The following TNKS1BP1 variants were observed in gnomAD, a reference collection of about 807,000 sequenced individuals.
TNKS1BP1 encodes 182 kDa tankyrase-1-binding protein.
In TNKS1BP1, 48 loss-of-function variants were observed where a neutral mutation model predicts 141.1. The observed-to-expected ratio is 0.34, with a 90% CI of 0.27 to 0.43. TNKS1BP1 has a LOEUF of 0.43. TNKS1BP1 is among the 20% of genes least tolerant of loss of function. The pLI is 1.00. For synonymous variants in TNKS1BP1, 875 were observed against 898.2 expected (o/e 0.97, Z 0.46); for missense variants, 2,149 against 2,226.0 (o/e 0.97, Z 0.70).
intron 6 of TNKS1BP1, among the ~76,000 whole-genome samples, chr11:57,303,928 A>G (rs1184824954): frequency 1.3e-5 from 2 of 151,942 alleles, no homozygotes; most frequent in Non-Finnish European, 2.9e-5. Flanking sequence ...ACACTCTCTC[A>G]CTAACTCATA....
rs147777307 is a variant in TNKS1BP1, at chr11:57,301,321, C to T, written c.4972-280G>A. ...TGGTGACTTCCCACCCCTGTTCCCT[C>T]TGCCTGCAATGCCACCCCACCATCC... On this transcript the variant is annotated intron_variant, in intron 9 of 11. Transcript: ENST00000358252. Among the ~76,000 whole-genome samples the T allele has an allele frequency of 1.1e-4, 16 of 152,270 alleles. No homozygotes were observed. In the East Asian group the frequency reaches 3.1e-3, roughly 29 times the overall value.
Position 57,320,093 on chromosome 11 carries a change from C to G in TNKS1BP1, c.714G>C (p.Lys238Asn). 7.1e-7 allele frequency: 1 copy of G among 1,398,700 alleles called. No individual in the cohort carries two copies. The allele number at this position is 1,398,700 out of a possible 1,614,324, so 86.6% of individuals were successfully genotyped here. Reference sequence around the variant, plus strand: ...CCACCCTTCACCTCTCCTCAGGGGTCTTGCTGTGCTCTTCCCGGCACTCTG... The same window carrying G: ...CCACCCTTCACCTCTCCTCAGGGGTGTTGCTGTGCTCTTCCCGGCACTCTG... ...SPAECREEHSKTPEERSLPSD... is the reference protein window; with the variant it reads ...SPAECREEHSNTPEERSLPSD... Residue 238 changes from lysine to asparagine, a missense_variant, in exon 3 of 12, where the codon AAG becomes AAC. Lys to Asn is a moderately conservative substitution (Grantham distance 94). Coordinates refer to ENST00000358252, the MANE Select transcript of TNKS1BP1 (RefSeq NM_033396.3).
chr11:57,312,744 C>T lies in TNKS1BP1; in HGVS notation c.1944G>A (p.Glu648=). The change falls in exon 5 of 12, where the codon GAG becomes GAA. Residue 648 remains glutamate (E), a synonymous_variant. Coordinates refer to ENST00000358252, the MANE Select transcript of TNKS1BP1 (RefSeq NM_033396.3). ...PEPGQALPVE[E]EAVTLARAET... ...CAGCCCGGGCTAGGGTCACGGCCTC[C>T]TCCTCAACAGGCAGTGCCTGTCCAG... 6.3e-7 allele frequency: 1 copy of T among 1,590,784 alleles called. No homozygotes were observed. The highest frequency in any genetic ancestry group is 1.3e-5 in the African/African-American group (1 of 74,648).
At chr11:57,303,184 T>C in intron 6 of TNKS1BP1, 1 of 214,346 alleles carries the variant, frequency 4.7e-6, no homozygotes, top group Non-Finnish European at 9.2e-6. Flanking sequence ...CCTGCTGCTG[T>C]TGCATGCTAG....
chr11:57,316,306 C>G (rs1300927692), intron 4 of TNKS1BP1, among the ~76,000 whole-genome samples: 1 of 152,190 alleles, frequency 6.6e-6, no homozygotes, highest in Non-Finnish European at 1.5e-5. Flanking sequence ...GGGCCCTCCC[C>G]TCCTGCACCA....
chr11:57,324,156 G>A lies in TNKS1BP1; in HGVS notation c.-66+684C>T, dbSNP rs548930921. Among the ~76,000 whole-genome samples the A allele has an allele frequency of 7.2e-5, 11 of 152,380 alleles. No homozygotes were observed. The South Asian group carries it at 1.9e-3, about 26-fold the overall frequency. On this transcript the variant is annotated intron_variant, in intron 1 of 11. Transcript: ENST00000358252. ...GCTCCAGCCCCGGAGGGGACTCGGC[G>A]CAGGCGGGGTCGCCCCTATGGACCC...
At chr11:57,320,024 C>CCCCCCCCCCCCA in intron 3 of TNKS1BP1, 55 bp downstream of exon 3, 1 of 654,162 alleles carries the variant, frequency 1.5e-6, no homozygotes, top group Non-Finnish European at 2.6e-6. Context: ...CCCACCCAAT[C>CCCCCCCCCCCCA]CCACCCCACC....
chr11:57,311,418 G>A (rs1433631483), intron 5 of TNKS1BP1: 1 of 985,538 alleles, frequency 1.0e-6, no homozygotes, highest in Non-Finnish European at 1.2e-6. Context: ...GCCGGGCGCA[G>A]GGATAGAGCT....
chr11:57,322,707 G>A (rs985023919), intron 1 of TNKS1BP1, among the ~76,000 whole-genome samples: 1 of 152,160 alleles, frequency 6.6e-6, no homozygotes, highest in Non-Finnish European at 1.5e-5. Context: ...AGGAGGAGCC[G>A]GCCCAGGCCT....
intron 10 of TNKS1BP1, 135 bp from the exon 11 acceptor site, chr11:57,300,735 T>TGCAGG: frequency 6.7e-7 from 1 of 1,499,932 alleles, no homozygotes; most frequent in Non-Finnish European, 9.2e-7. Context: ...ACCCAAATTC[T>TGCAGG]GACACCATCT....
In TNKS1BP1 at chr11:57,309,452, C is replaced by T. The variant is rs1428283588; in HGVS notation, c.3259G>A (p.Val1087Ile). ...EDGEMGKRGW[V>I]GEFSLSVGPQ... is the part of the protein sequence containing the mutation. ...CCAACACTGAGGCTAAACTCACCGA[C>T]CCAGCCTCGCTTTCCCATCTCCCCA... Residue 1087 changes from valine (V) to isoleucine (I), a missense_variant, in exon 6 of 12, where the codon GTC becomes ATC. Val to Ile is a conservative substitution (Grantham distance 29). Transcript: ENST00000358252. This position sits in a 1 kb window ranked among gnomAD's most constrained non-coding sequence, Gnocchi z 4.3. The T allele has an allele frequency of 2.5e-6, 4 of 1,613,974 alleles. No homozygotes were observed. The Admixed American group carries it at 5.0e-5, about 20-fold the overall frequency.
Position 57,309,515 on chromosome 11 carries a change from C to A in TNKS1BP1, c.3196G>T (p.Ala1066Ser). ...EVGGHQERQQ[A>S]GAQGPGSADL... The stretch of plus-strand genomic sequence containing the variant: ...GCACTGCCAGGGCCCTGAGCCCCTG[C>A]CTGCTGTCTCTCCTGATGCCCTCCC... The change falls in exon 6 of 12, where the codon GCA (alanine) becomes TCA (serine). Residue 1066 changes from alanine to serine, a missense_variant. Coordinates refer to ENST00000358252, the MANE Select transcript of TNKS1BP1 (RefSeq NM_033396.3). This position sits in a 1 kb window ranked among gnomAD's most constrained non-coding sequence, Gnocchi z 4.3. The A allele has an allele frequency of 6.2e-7, 1 of 1,613,748 alleles. No homozygotes were observed. Among genetic ancestry groups the A allele is most frequent in the Non-Finnish European group, 8.5e-7 (1 of 1,180,040 alleles).
chr11:57,302,851 A>T lies in TNKS1BP1; in HGVS notation c.4317-26T>A. 6.7e-7 allele frequency: 1 copy of T among 1,493,012 alleles called. No individual in the cohort carries two copies. Among genetic ancestry groups the T allele is most frequent in the Non-Finnish European group, 8.9e-7 (1 of 1,124,768 alleles). 92.5% of individuals were successfully genotyped at this position (1,493,012 alleles called of 1,614,324 possible). ...CTGTAAAGGGGACAGAGAGAGAACGAGATCATCGTAAGGCCCCATCTCCCT... is the reference window on the plus strand; with the variant it reads ...CTGTAAAGGGGACAGAGAGAGAACGTGATCATCGTAAGGCCCCATCTCCCT... On this transcript the variant is annotated intron_variant, in intron 6 of 11. Coordinates refer to ENST00000358252, the MANE Select transcript of TNKS1BP1 (RefSeq NM_033396.3). The surrounding 1 kb of genome is among the most constrained non-coding windows in gnomAD (Gnocchi z 5.5).
At chr11:57,319,985 A>C in intron 3 of TNKS1BP1, 94 bp downstream of exon 3, 1 of 1,530,492 alleles carries the variant, frequency 6.5e-7, no homozygotes. Flanking sequence ...TCACAACCCT[A>C]TATGGGGCCA....
intron 2 of TNKS1BP1, among the ~76,000 whole-genome samples, chr11:57,321,401 T>G (rs959968423): frequency 1.3e-5 from 2 of 151,904 alleles, no homozygotes; most frequent in African/African-American, 4.8e-5. Flanking sequence ...GTCCTCCTGA[T>G]GGAATCCCGT....
At chr11:57,304,135 A>G (rs1028037102) in intron 6 of TNKS1BP1, among the ~76,000 whole-genome samples, 1 of 151,656 alleles carries the variant, frequency 6.6e-6, no homozygotes, top group Non-Finnish European at 1.5e-5. Flanking sequence ...CCCCCACCCC[A>G]CACACACACA....
Position 57,320,448 on chromosome 11 carries a change from T to C in TNKS1BP1, c.359A>G (p.Glu120Gly), listed in dbSNP as rs769922813. 8 of 1,607,698 alleles carry C rather than the reference T, an allele frequency of 5.0e-6. No individual in the cohort carries two copies. Among genetic ancestry groups the C allele is most frequent in the Non-Finnish European group, 6.0e-6 (7 of 1,175,668 alleles). The part of the protein sequence containing the change: ...GGEATQETGK[E>G]EAGKEEPPPL... ...GGGTGGCTCCTCTTTCCCAGCCTCC[T>C]CTTTCCCAGTCTCTTGGGTGGCTTC... The change falls in exon 3 of 12, where the codon GAG becomes GGG. Residue 120 changes from glutamate to glycine, a missense_variant. Physicochemically the swap from Glu to Gly is moderately conservative, Grantham distance 98. Transcript: ENST00000358252.
Position 57,302,447 on chromosome 11 carries a change from C to T in TNKS1BP1, c.4683+12G>A, listed in dbSNP as rs1275197648. On this transcript the variant is annotated intron_variant, in intron 7 of 11. Transcript: ENST00000358252. The surrounding 1 kb of genome is among the most constrained non-coding windows in gnomAD (Gnocchi z 5.5). ...TCACCCACCCACTGTCATGGGCTCA[C>T]CCTCCACTGACCTCAATGAAGGAGA... 11 of 1,580,812 alleles carry T rather than the reference C, an allele frequency of 7.0e-6. No individual in the cohort carries two copies. Among genetic ancestry groups the T allele is most frequent in the Non-Finnish European group, 7.8e-6 (9 of 1,159,698 alleles).
At chr11:57,306,920 T>TGGGGGGGGGGGGGGGGGGG (rs1565039405) in intron 6 of TNKS1BP1, among the ~76,000 whole-genome samples, 1 of 31,044 alleles carries the variant, frequency 3.2e-5, no homozygotes, top group African/African-American at 1.4e-4. Flanking sequence ...GGGGGTTGGG[T>TGGGGGGGGGGGGGGGGGGG]GGGAGGGGGG....
Sources: gnomAD v4.1 joint callset for allele counts (sites outside exome capture counted in the v4.1 genomes callset) on GRCh38, gnomAD v4.1.1 for gene constraint, Gnocchi (gnomAD v3.1) non-coding constraint, MANE v1.5 for transcripts, NCBI Gene and HGNC (gene_info 2026-07-23, HGNC 2026-07-21) for gene names.